Variants in PRKACA observed in about 807,000 individuals in gnomAD.
PRKACA encodes protein kinase cAMP-activated catalytic subunit alpha.
PRKACA carries 9 observed loss-of-function variants against 45.8 expected under a neutral mutation model. That is an observed-to-expected ratio of 0.20 (90% CI 0.12 to 0.34). PRKACA has a LOEUF of 0.34. Among genes scored for constraint, PRKACA ranks in the 10% least tolerant of loss-of-function variants. PRKACA has a pLI of 1.00. For missense variants in PRKACA, 238 were observed against 458.6 expected (o/e 0.52, Z 4.39); for synonymous variants, 160 against 178.6 (o/e 0.90, Z 0.83).
In PRKACA at chr19:14,097,062, G is replaced by A. The variant is rs1289500657; in HGVS notation, c.765+299C>T. On this transcript the variant is annotated intron_variant, in intron 8 of 9. Coordinates refer to ENST00000308677, the MANE Select transcript of PRKACA (RefSeq NM_002730.4). The surrounding 1 kb of genome is among the most constrained non-coding windows in gnomAD (Gnocchi z 5.4). ...TGCGAAAACTCACACTAACTGGGAT[G>A]AGGAGCGAAAAGGAGGGTCGTCTGG... 2 of 425,080 alleles carry A rather than the reference G, an allele frequency of 4.7e-6. No individual in the cohort carries two copies. The highest frequency in any genetic ancestry group is 5.2e-5 in the East Asian group (1 of 19,122). The allele number at this position is 425,080 out of a possible 1,614,324, so 26.3% of individuals were successfully genotyped here.
rs1193858739 is a variant in PRKACA, at chr19:14,096,347, G to GTT, written c.765+1012_765+1013dup. 28 of 136,154 alleles carry GTT rather than the reference G, an allele frequency of 2.1e-4. 1 individual carries two copies. Among genetic ancestry groups the GTT allele is most frequent in the Non-Finnish European group, 1.9e-4 (12 of 64,390 alleles). 8.4% of individuals were successfully genotyped at this position (136,154 alleles called of 1,614,324 possible). ...AGGTGTAAGCCACCGCGCCCGGCCA[G>GTT]TTTGTTTTTTTTTTTTTTTTTTTAG... On this transcript the variant is annotated intron_variant, in intron 8 of 9. Transcript: ENST00000308677.
intron 8 of PRKACA, among the ~76,000 whole-genome samples, chr19:14,095,963 A>G (rs1977237100): frequency 6.7e-6 from 1 of 149,466 alleles, no homozygotes; most frequent in African/African-American, 2.5e-5. Flanking sequence ...GGCTCAAGCG[A>G]TCCTCCTGCC....
At chr19:14,105,005 CA>C (rs887736813) in intron 3 of PRKACA, among the ~76,000 whole-genome samples, 1 of 152,076 alleles carries the variant, frequency 6.6e-6, no homozygotes, top group African/African-American at 2.4e-5. Flanking sequence ...CTTATCTTTC[CA>C]GGAAAAATTT....
rs1977312561 is a variant in PRKACA at position 14,097,954 on chromosome 19, C to G, written c.420-64G>C. ...TGCCCCAAAATGGTCCAGCAGGTGG[C>G]CCTGCAGAGCCTACCCCAGAGGAAG... On this transcript the variant is annotated intron_variant, in intron 5 of 9. Coordinates refer to ENST00000308677, the MANE Select transcript of PRKACA (RefSeq NM_002730.4). The surrounding 1 kb of genome is among the most constrained non-coding windows in gnomAD (Gnocchi z 5.4). The G allele has an allele frequency of 6.3e-7, 1 of 1,594,812 alleles. No homozygotes were observed. The highest frequency in any genetic ancestry group is 1.3e-5 in the African/African-American group (1 of 74,570).
In PRKACA at chr19:14,117,537, G is replaced by T; in HGVS notation, c.11C>A (p.Ala4Asp). The T allele has an allele frequency of 8.2e-7, 1 of 1,221,674 alleles. No individual in the cohort carries two copies. The highest frequency in any genetic ancestry group is 1.0e-6 in the Non-Finnish European group (1 of 978,736). The allele number at this position is 1,221,674 out of a possible 1,614,324, so 75.7% of individuals were successfully genotyped here. The change falls in exon 1 of 10, where the codon GCC becomes GAC. Residue 4 changes from alanine (A) to aspartate (D), a missense_variant. Ala to Asp is a moderately radical substitution (Grantham distance 126). Transcript: ENST00000308677. MGNAAAAKKGSEQE... is the reference protein window; with the variant it reads MGNDAAAKKGSEQE... ...CTCGCTGCCCTTCTTGGCGGCGGCG[G>T]CGTTGCCCATCGCGGCGGCGGCGGC... is the stretch of plus-strand genomic sequence containing the variant.
rs1568526488 is a variant in PRKACA, at chr19:14,092,637, C to A, written c.*475G>T. 1.0e-5 allele frequency: 4 copies of A among 397,956 alleles called. No individual in the cohort carries two copies. The highest frequency in any genetic ancestry group is 1.8e-5 in the Non-Finnish European group (4 of 226,380). The allele number at this position is 397,956 out of a possible 1,614,324, so 24.7% of individuals were successfully genotyped here. A position where few individuals can be genotyped will look rare whatever the true frequency, so the allele number is the denominator to read the frequency against. ...TCACTAAAAATCTCTCCTTCCCAGG[C>A]AGGATTACTCCGAAAGGAAGGTTGG... On this transcript the variant is annotated 3_prime_UTR_variant, in exon 10 of 10. Transcript: ENST00000308677.
At chr19:14,108,277 G>T in intron 1 of PRKACA, 1 of 436,152 alleles carries the variant, frequency 2.3e-6, no homozygotes, top group Non-Finnish European at 3.0e-6. Context: ...TTCCTCATCT[G>T]TAAAGTGGGG....
intron 5 of PRKACA, among the ~76,000 whole-genome samples, chr19:14,099,217 G>C (rs8113186): frequency 1.3e-5 from 2 of 152,052 alleles, no homozygotes; most frequent in Non-Finnish European, 2.9e-5. Flanking sequence ...ACTTGAACCC[G>C]GGAGGCAGAG....
chr19:14,099,494 T>C (rs1282168813), intron 5 of PRKACA, among the ~76,000 whole-genome samples: 2 of 150,490 alleles, frequency 1.3e-5, no homozygotes, highest in Non-Finnish European at 3.0e-5. Context: ...GGGATGAAGG[T>C]GGGCTCATGC....
At chr19:14,093,349 T>G (rs1402151489) in intron 9 of PRKACA, 112 bp from the exon 10 acceptor site, 2 of 1,395,542 alleles carry the variant, frequency 1.4e-6, no homozygotes, top group African/African-American at 2.9e-5. Flanking sequence ...CTCAGGCCTG[T>G]GCTTACCATT....
chr19:14,104,015 G>T (rs922534173), intron 3 of PRKACA, among the ~76,000 whole-genome samples: 1 of 151,462 alleles, frequency 6.6e-6, no homozygotes, highest in African/African-American at 2.4e-5. Flanking sequence ...ACTTCAGCCT[G>T]GGCAACAGAG....
chr19:14,092,347 C>T lies in PRKACA; in HGVS notation c.*765G>A. 3.1e-6 allele frequency: 1 copy of T among 325,474 alleles called. No individual in the cohort carries two copies. Among genetic ancestry groups the T allele is most frequent in the Non-Finnish European group, 5.6e-6 (1 of 179,202 alleles). The allele number at this position is 325,474 out of a possible 1,614,324, so 20.2% of individuals were successfully genotyped here. A position where few individuals can be genotyped will look rare whatever the true frequency, so the allele number is the denominator to read the frequency against. On this transcript the variant is annotated 3_prime_UTR_variant, in exon 10 of 10. Coordinates refer to ENST00000308677, the MANE Select transcript of PRKACA (RefSeq NM_002730.4). ...TTGGGGAAAAAGAGAGCGGAGGCTT[C>T]CTAAAGGGGCCTAGACCCTCGCAGG... is the stretch of plus-strand genomic sequence containing the variant.
chr19:14,097,788 G>A lies in PRKACA; in HGVS notation c.522C>T (p.Leu174=). 1 of 1,614,182 alleles carries A rather than the reference G, an allele frequency of 6.2e-7. No homozygotes were observed. Among genetic ancestry groups the A allele is most frequent in the Non-Finnish European group, 8.5e-7 (1 of 1,180,022 alleles). ...CCTGAATGTAGCCCTGCTGGTCAAT[G>A]AGCAGATTCTCCGGCTTCAGGTCCC... The part of the protein sequence containing the change: ...IYRDLKPENL[L]IDQQGYIQVT... The change falls in exon 6 of 10, where the codon CTC becomes CTT. Residue 174 remains leucine (L), a synonymous_variant. Transcript: ENST00000308677. The surrounding 1 kb of genome is among the most constrained non-coding windows in gnomAD (Gnocchi z 5.4).
chr19:14,116,875 T>G (rs1967117968), intron 1 of PRKACA, among the ~76,000 whole-genome samples: 2 of 151,214 alleles, frequency 1.3e-5, no homozygotes, highest in South Asian at 4.2e-4. Context: ...CCCAGAAAGA[T>G]CCTGTCCCCC....
intron 3 of PRKACA, among the ~76,000 whole-genome samples, chr19:14,103,504 G>A (rs980284118): frequency 1.8e-4 from 27 of 152,186 alleles, no homozygotes; most frequent in African/African-American, 6.5e-4. Context: ...CTGGGAGTAC[G>A]CCAGTTTGGA....
In PRKACA at chr19:14,093,796, G is replaced by A. The variant is rs761610114; in HGVS notation, c.766-4C>T. 9 of 1,611,006 alleles carry A rather than the reference G, an allele frequency of 5.6e-6. No homozygotes were observed. The highest frequency in any genetic ancestry group is 7.6e-6 in the Non-Finnish European group (9 of 1,178,498). The stretch of plus-strand genomic sequence containing the variant: ...TGAAGTGGGAAGGGAAGCGCACCTG[G>A]AGGAAGGGGTACAAGGACAGGGTGG... On this transcript the variant is annotated splice_region_variant and splice_polypyrimidine_tract_variant and intron_variant, in intron 8 of 9. Transcript: ENST00000308677.
intron 5 of PRKACA, among the ~76,000 whole-genome samples, 158 bp downstream of exon 5, chr19:14,100,666 CAT>C (rs1335859123): frequency 7.9e-5 from 12 of 152,296 alleles, no homozygotes; most frequent in African/African-American, 2.9e-4. Flanking sequence ...TGAAATATCA[CAT>C]ATTCCTCAGC....
chr19:14,106,295 G>A (rs1176560978), intron 3 of PRKACA, among the ~76,000 whole-genome samples: 1 of 152,164 alleles, frequency 6.6e-6, no homozygotes, highest in Non-Finnish European at 1.5e-5. Flanking sequence ...TGAGGCTACA[G>A]TGAGCTATGA....
Position 14,093,041 on chromosome 19 carries a change from A to ATGGGGC in PRKACA, c.*70_*71insGCCCCA. 2.0e-6 allele frequency: 1 copy of ATGGGGC among 500,028 alleles called. No individual in the cohort carries two copies. The highest frequency in any genetic ancestry group is 3.6e-6 in the Non-Finnish European group (1 of 278,312). The allele number at this position is 500,028 out of a possible 1,614,324, so 31.0% of individuals were successfully genotyped here. On this transcript the variant is annotated 3_prime_UTR_variant, in exon 10 of 10. Coordinates refer to ENST00000308677, the MANE Select transcript of PRKACA (RefSeq NM_002730.4). ...CTGGGGCCCTCTGGCTGTTCAATCC[A>ATGGGGC]ACCCTCCCACCCCCCCGACCAAAAA...
Sources: allele counts gnomAD v4.1 joint callset (sites outside exome capture counted in the v4.1 genomes callset), GRCh38; gene constraint gnomAD v4.1.1; non-coding constraint Gnocchi (gnomAD v3.1); transcripts MANE v1.5; gene names NCBI Gene and HGNC (gene_info 2026-07-23, HGNC 2026-07-21).